Variants in BCKDHB observed in about 807,000 individuals in gnomAD.
BCKDHB encodes branched chain keto acid dehydrogenase E1 subunit beta.
A neutral mutation model predicts 48.5 loss-of-function variants in BCKDHB; 41 were observed. The ratio of observed to expected loss-of-function variants is 0.85; its 90% CI spans 0.66 to 1.10. BCKDHB has a LOEUF of 1.10. Among genes scored for constraint, BCKDHB ranks in the 50% least tolerant of loss-of-function variants. The probability of loss-of-function intolerance (pLI) is 0.00; values close to 1 mark genes in which losing one functional copy is unlikely to be tolerated. For synonymous variants in BCKDHB, 201 were observed against 174.8 expected, an observed-to-expected ratio of 1.15 and a Z score of -1.18; for missense variants, 496 against 494.2, an observed-to-expected ratio of 1.00 and a Z score of -0.03.
the BCKDHB span, among the ~76,000 whole-genome samples, chr6:80,455,520 G>A: frequency 5.3e-5 from 8 of 150,820 alleles, no homozygotes; most frequent in African/African-American, 1.7e-4. Context: ...CTGAAGTCTT[G>A]TAGGGCTTAG....
At chr6:80,169,051 T>C in intron 5 of BCKDHB, 21 bp downstream of exon 5, 1 of 1,610,958 alleles carries the variant, frequency 6.2e-7, no homozygotes, top group South Asian at 1.1e-5. Flanking sequence ...TTATGTACTT[T>C]ATTTGATTTC....
chr6:80,250,821 G>T (rs1251523363), intron 8 of BCKDHB, among the ~76,000 whole-genome samples: 2 of 152,084 alleles, frequency 1.3e-5, no homozygotes, highest in African/African-American at 4.8e-5. Flanking sequence ...ATGTACTTCG[G>T]CAAGTCACTT....
intron 8 of BCKDHB, among the ~76,000 whole-genome samples, chr6:80,203,989 AATAG>A (rs1420923784): frequency 6.6e-6 from 1 of 152,096 alleles, no homozygotes; most frequent in Non-Finnish European, 1.5e-5. Flanking sequence ...ACCTAGTCTT[AATAG>A]ATAAGTACAA....
chr6:80,356,589 C>T, the BCKDHB span: 1 of 152,006 alleles, frequency 6.6e-6, no homozygotes. Context: ...TATGATTTTA[C>T]TTACAAAGGA....
intron 9 of BCKDHB, among the ~76,000 whole-genome samples, chr6:80,341,286 C>A (rs1210375008): frequency 6.6e-6 from 1 of 152,138 alleles, no homozygotes. Context: ...AACACAGGAA[C>A]TTTTATTCAT....
Position 80,275,636 on chromosome 6 carries a change from A to G in BCKDHB, c.1038+2415A>G, listed in dbSNP as rs145624038. On this transcript the variant is annotated intron_variant, in intron 9 of 9. Coordinates refer to ENST00000320393, the MANE Select transcript of BCKDHB (RefSeq NM_183050.4). Reference sequence around the variant, plus strand: ...TGTTTGCCTGTTATGGCTTTTATCTACTGATAAAGAAGATTAGAAAAAAAA... The same window carrying G: ...TGTTTGCCTGTTATGGCTTTTATCTGCTGATAAAGAAGATTAGAAAAAAAA... Among the ~76,000 whole-genome samples, 513 of 152,072 alleles carry G rather than the reference A, an allele frequency of 3.4e-3. 3 individuals are homozygous for G. The highest frequency in any genetic ancestry group is 0.012 in the African/African-American group (486 of 41,544).
At chr6:80,284,914 T>C (rs979727851) in intron 9 of BCKDHB, among the ~76,000 whole-genome samples, 2 of 152,182 alleles carry the variant, frequency 1.3e-5, no homozygotes, top group Admixed American at 6.5e-5. Flanking sequence ...GCCTGTATTA[T>C]TAGCTGCTTT....
intron 3 of BCKDHB, among the ~76,000 whole-genome samples, chr6:80,129,703 A>G (rs1770533059): frequency 6.6e-6 from 1 of 152,184 alleles, no homozygotes; most frequent in Admixed American, 6.6e-5. Flanking sequence ...GCAAGTCCAT[A>G]GGGCAAACTG....
At chr6:80,301,469 T>C (rs368376571) in intron 9 of BCKDHB, among the ~76,000 whole-genome samples, 5 of 152,008 alleles carry the variant, frequency 3.3e-5, no homozygotes, top group Non-Finnish European at 7.4e-5. Flanking sequence ...CCTCCAAAGA[T>C]TGAACCAAGA....
chr6:80,151,966 T>G (rs1771807763), intron 3 of BCKDHB, among the ~76,000 whole-genome samples: 1 of 152,166 alleles, frequency 6.6e-6, no homozygotes, highest in Non-Finnish European at 1.5e-5. Flanking sequence ...GGTACAGATA[T>G]GTTTTAGGAA....
At chr6:80,129,726 C>G (rs79604924) in intron 3 of BCKDHB, among the ~76,000 whole-genome samples, 1 of 152,106 alleles carries the variant, frequency 6.6e-6, no homozygotes, top group Non-Finnish European at 1.5e-5. Context: ...TGACTTGAAA[C>G]TCAGGCAGGG....
At chr6:80,409,823 A>T in the BCKDHB span, among the ~76,000 whole-genome samples, 1 of 151,632 alleles carries the variant, frequency 6.6e-6, no homozygotes, top group Non-Finnish European at 1.5e-5. Context: ...GTGTCTCTGC[A>T]CATGAAATGG....
chr6:80,343,433 T>C (rs981631466), intron 9 of BCKDHB: 16 of 558,434 alleles, frequency 2.9e-5, no homozygotes, highest in African/African-American at 1.5e-4. Context: ...GCTTAGACAA[T>C]AGATATATAT....
rs149509485 is a variant in BCKDHB, at chr6:80,291,028, C to T, written c.1038+17807C>T. Among the ~76,000 whole-genome samples the T allele has an allele frequency of 3.0e-3, 463 of 152,294 alleles. 1 individual carries two copies. The highest frequency in any genetic ancestry group is 4.8e-3 in the Non-Finnish European group (327 of 68,026). On this transcript the variant is annotated intron_variant, in intron 9 of 9. Transcript: ENST00000320393. ...TCTTAGCCAGCTTCTTTACTGCAGCCTGTATAATCAGCAAGGTCTTTATAA... is the reference window on the plus strand; with the variant it reads ...TCTTAGCCAGCTTCTTTACTGCAGCTTGTATAATCAGCAAGGTCTTTATAA...
intron 1 of BCKDHB, among the ~76,000 whole-genome samples, chr6:80,116,210 A>T (rs1769695468): frequency 6.6e-6 from 1 of 152,154 alleles, no homozygotes; most frequent in Non-Finnish European, 1.5e-5. Context: ...CATACTGCAT[A>T]GTTATTAAAG....
chr6:80,407,075 G>T, the BCKDHB span, among the ~76,000 whole-genome samples: 608 of 152,190 alleles, frequency 4.0e-3, 3 homozygotes, highest in Middle Eastern at 0.017. Flanking sequence ...TCTACATATG[G>T]CTAGCCAGTT....
the BCKDHB span, among the ~76,000 whole-genome samples, chr6:80,450,940 A>G: frequency 1.3e-5 from 2 of 152,220 alleles, no homozygotes; most frequent in Non-Finnish European, 2.9e-5. Context: ...TATTACAGTC[A>G]AAAGAGAATT....
chr6:80,386,652 C>T, the BCKDHB span, among the ~76,000 whole-genome samples: 18 of 152,274 alleles, frequency 1.2e-4, no homozygotes, highest in African/African-American at 3.8e-4. Context: ...GTGGGCATAG[C>T]TACTGTGATT....
intron 8 of BCKDHB, among the ~76,000 whole-genome samples, chr6:80,221,757 A>G (rs1775463481): frequency 6.6e-6 from 1 of 152,188 alleles, no homozygotes; most frequent in African/African-American, 2.4e-5. Context: ...TATCAACTTC[A>G]TTGTATAGAT....
Sources: gnomAD v4.1 joint callset for allele counts (sites outside exome capture counted in the v4.1 genomes callset) on GRCh38, gnomAD v4.1.1 for gene constraint, MANE v1.5 for transcripts, NCBI Gene and HGNC (gene_info 2026-07-23, HGNC 2026-07-21) for gene names.